Variants in CSPG4 observed in about 807,000 individuals in gnomAD.
CSPG4 encodes chondroitin sulfate proteoglycan 4.
In CSPG4, 74 loss-of-function variants were observed where a neutral mutation model predicts 139.3. The ratio of observed to expected loss-of-function variants is 0.53; its 90% CI spans 0.44 to 0.64. CSPG4 has a LOEUF of 0.64. Ranked by LOEUF, CSPG4 falls within the 30% of genes least tolerant of loss-of-function variation. CSPG4 has a pLI of 0.00. For synonymous variants in CSPG4, 1,234 were observed against 1,394.2 expected (o/e 0.89, Z 2.56); for missense variants, 2,565 against 3,148.3 (o/e 0.81, Z 4.43).
chr15:75,676,093 G>A lies in CSPG4; in HGVS notation c.6426C>T (p.Leu2142=), dbSNP rs931055250. The A allele has an allele frequency of 1.3e-6, 2 of 1,535,526 alleles. No individual in the cohort carries two copies. The highest frequency in any genetic ancestry group is 1.7e-6 in the Non-Finnish European group (2 of 1,144,930). Reference sequence around the variant, plus strand: ...CGCCCTGTGCCCACAGCTCCAGAGTGAGACTGTCACCTGCGGGGCCGGGGG... The same window carrying A: ...CGCCCTGTGCCCACAGCTCCAGAGTAAGACTGTCACCTGCGGGGCCGGGGG... ...GRAPGPAGDS[L]TLELWAQGVP... The change falls in exon 10 of 10, where the codon CTC becomes CTT. Residue 2142 remains leucine (L), a synonymous_variant. Coordinates refer to ENST00000308508, the MANE Select transcript of CSPG4 (RefSeq NM_001897.5).
rs930465943 is a variant in CSPG4, at chr15:75,696,043, T to A, written c.89-2810A>T. 2.0e-5 allele frequency among the ~76,000 whole-genome samples: 3 copies of A among 152,166 alleles called. No individual in the cohort carries two copies. Among genetic ancestry groups the A allele is most frequent in the African/African-American group, 7.2e-5 (3 of 41,440 alleles). On this transcript the variant is annotated intron_variant, in intron 1 of 9. Transcript: ENST00000308508. This position sits in a 1 kb window ranked among gnomAD's most constrained non-coding sequence, Gnocchi z 4.2. ...GGATCAGACCTGCCGTTGATTCTCC[T>A]GGGTCAAGAGGACCCATGATTCATC...
rs566043888 is a variant in CSPG4, at chr15:75,705,143, C to T, written c.88+7525G>A. Among the ~76,000 whole-genome samples the T allele has an allele frequency of 5.9e-5, 9 of 152,276 alleles. No homozygotes were observed. In the East Asian group the frequency reaches 1.5e-3, roughly 26 times the overall value. ...GAAACAGGCCCTGGGGAGGGCCAGG[C>T]AGGGGCTGTCCCCACTTCTTCTAGC... On this transcript the variant is annotated intron_variant, in intron 1 of 9. Transcript: ENST00000308508.
chr15:75,709,650 A>G (rs1218818753), intron 1 of CSPG4, among the ~76,000 whole-genome samples: 1 of 152,048 alleles, frequency 6.6e-6, no homozygotes, highest in East Asian at 1.9e-4. Context: ...CGTCAAGGCT[A>G]TTTCCAACTC....
chr15:75,699,156 C>T (rs1181171909), intron 1 of CSPG4, among the ~76,000 whole-genome samples: 1 of 152,228 alleles, frequency 6.6e-6, no homozygotes, highest in African/African-American at 2.4e-5. Flanking sequence ...ATGGAGCTTA[C>T]AACAGCAGCC....
chr15:75,686,474 G>A (rs1014428959), intron 3 of CSPG4, among the ~76,000 whole-genome samples: 2 of 148,058 alleles, frequency 1.4e-5, no homozygotes, highest in African/African-American at 2.5e-5. Context: ...TCCCTCACCT[G>A]ATGGGCCAGC....
chr15:75,711,866 A>G (rs1894450954), intron 1 of CSPG4, among the ~76,000 whole-genome samples: 1 of 152,222 alleles, frequency 6.6e-6, no homozygotes, highest in South Asian at 2.1e-4. Context: ...CGGGACAGAG[A>G]GGGGATATAT....
rs528299663 is a variant in CSPG4 at position 75,705,915 on chromosome 15, G to T, written c.88+6753C>A. Among the ~76,000 whole-genome samples the T allele has an allele frequency of 3.3e-3, 498 of 152,280 alleles. 2 individuals are homozygous for T. The highest frequency in any genetic ancestry group is 0.012 in the African/African-American group (486 of 41,554). On this transcript the variant is annotated intron_variant, in intron 1 of 9. Coordinates refer to ENST00000308508, the MANE Select transcript of CSPG4 (RefSeq NM_001897.5). ...TGTGTATATGTCTGTGTGCGTGTGT[G>T]TGTGCGTATGTGTGTCTGTGTGCAT...
At position 75,685,261 on chromosome 15, in the gene CSPG4, G is replaced by A. The variant is rs1234836995; in HGVS notation, c.4230C>T (p.Asp1410=). 1.4e-5 allele frequency: 21 copies of A among 1,546,138 alleles called. No homozygotes were observed. The highest frequency in any genetic ancestry group is 2.5e-5 in the South Asian group (2 of 81,204). Reference sequence around the variant, plus strand: ...CGCTGAGGGTCCTGGCTTGAGGTCCGTCCTCCTTCTGCAGGGCTCCATGCT... The same window carrying A: ...CGCTGAGGGTCCTGGCTTGAGGTCCATCCTCCTTCTGCAGGGCTCCATGCT... The part of the protein sequence containing the change: ...PPQHGALQKE[D]GPQARTLSAF... The change falls in exon 4 of 10, where the codon GAC becomes GAT. Residue 1410 remains aspartate, a synonymous_variant. Coordinates refer to ENST00000308508, the MANE Select transcript of CSPG4 (RefSeq NM_001897.5).
At position 75,682,400 on chromosome 15, in the gene CSPG4, G is replaced by T; in HGVS notation, c.4843C>A (p.Pro1615Thr). Residue 1615 changes from proline (P) to threonine (T), a missense_variant, in exon 8 of 10, where the codon CCC becomes ACC. Pro to Thr is a conservative substitution (Grantham distance 38). Coordinates refer to ENST00000308508, the MANE Select transcript of CSPG4 (RefSeq NM_001897.5). ...ACCACACGGTAGAGCAGGAGCTGGG[G>T]GTCAGTGCCTGCGCTGGAGCTGGCC... ...LRASSSAGTD[P>T]QLLLYRVVRG... The T allele has an allele frequency of 6.3e-7, 1 of 1,596,174 alleles. No individual in the cohort carries two copies. The highest frequency in any genetic ancestry group is 8.5e-7 in the Non-Finnish European group (1 of 1,179,336).
Position 75,688,293 on chromosome 15 carries a change from G to A in CSPG4, c.2772C>T (p.Val924=). Residue 924 remains valine, a synonymous_variant, in exon 3 of 10, where the codon GTC becomes GTT. Coordinates refer to ENST00000308508, the MANE Select transcript of CSPG4 (RefSeq NM_001897.5). ...GGTAGCTGGCACTGTTGAGACTCTT[G>A]ACAAAGAGGTGGTCAGCAGAGAGGA... ...EGVLSADHLF[V]KSLNSASYLY... 1 of 1,613,130 alleles carries A rather than the reference G, an allele frequency of 6.2e-7. No homozygotes were observed. The highest frequency in any genetic ancestry group is 8.5e-7 in the Non-Finnish European group (1 of 1,180,024).
Position 75,689,694 on chromosome 15 carries a change from G to A in CSPG4, c.1371C>T (p.Asp457=). Residue 457 remains aspartate (D), a synonymous_variant, in exon 3 of 10, where the codon GAC becomes GAT. Transcript: ENST00000308508. ...ATTTGCGCAGCTCAGCCTCCATCAG[G>A]TCCAGCGTGGGCTGCACATGCCTCC... ...LEWRHVQPTL[D]LMEAELRKSQ... 6.2e-7 allele frequency: 1 copy of A among 1,612,910 alleles called. No homozygotes were observed.
chr15:75,684,929 G>A lies in CSPG4; in HGVS notation c.4273-17C>T, dbSNP rs1429055949. The stretch of plus-strand genomic sequence containing the variant: ...CTCTTCCACCTAGGGGCAGGCCCAG[G>A]GCTGGCAGTCAGGCCCCAGCAGCAC... On this transcript the variant is annotated splice_polypyrimidine_tract_variant and intron_variant, in intron 4 of 9. Transcript: ENST00000308508. The A allele has an allele frequency of 3.7e-6, 6 of 1,600,542 alleles. No homozygotes were observed. The highest frequency in any genetic ancestry group is 1.3e-5 in the African/African-American group (1 of 74,854).
rs750550303 is a variant in CSPG4 at position 75,677,261 on chromosome 15, T to C, written c.5258A>G (p.Gln1753Arg). 2.7e-6 allele frequency: 4 copies of C among 1,496,136 alleles called. No homozygotes were observed. Among genetic ancestry groups the C allele is most frequent in the South Asian group, 1.4e-5 (1 of 73,138 alleles). The allele number at this position is 1,496,136 out of a possible 1,614,324, so 92.7% of individuals were successfully genotyped here. A position where few individuals can be genotyped will look rare whatever the true frequency, so the allele number is the denominator to read the frequency against. Residue 1753 changes from glutamine to arginine, a missense_variant, in exon 10 of 10, where the codon CAG (glutamine) becomes CGG (arginine). By Grantham distance (43) the Gln-to-Arg change is conservative. Coordinates refer to ENST00000308508, the MANE Select transcript of CSPG4 (RefSeq NM_001897.5). ...SEHDVLFQVTQFPSRGQLLVS... is the reference protein window; with the variant it reads ...SEHDVLFQVTRFPSRGQLLVS... ...CAACAGCTGGCCCCGGCTGGGGAACTGTGTGACCTGGAAGAGCACATCATG... is the reference window on the plus strand; with the variant it reads ...CAACAGCTGGCCCCGGCTGGGGAACCGTGTGACCTGGAAGAGCACATCATG...
intron 1 of CSPG4, 119 bp downstream of exon 1, chr15:75,712,549 C>T: frequency 5.1e-6 from 5 of 970,882 alleles, no homozygotes; most frequent in Non-Finnish European, 6.3e-6. Context: ...GTGGGAGAAG[C>T]GCAGCCTGCT....
chr15:75,692,652 G>A (rs1207593473), intron 2 of CSPG4, among the ~76,000 whole-genome samples: 3 of 152,236 alleles, frequency 2.0e-5, no homozygotes, highest in African/African-American at 7.2e-5. Flanking sequence ...GGGGGCTCAG[G>A]AGGGGGCCTA....
chr15:75,685,343 G>A lies in CSPG4; in HGVS notation c.4148C>T (p.Ser1383Phe). Residue 1383 changes from serine to phenylalanine, a missense_variant, in exon 4 of 10, where the codon TCC becomes TTC. Transcript: ENST00000308508. ...LTLAPPLLRV[S>F]GPYFPTLLGL... ...CAGGAGAGTGGGGAAGTAGGGCCCG[G>A]AGACACGGAGCAGTGGAGGGGCCAG... 3 of 1,608,796 alleles carry A rather than the reference G, an allele frequency of 1.9e-6. No individual in the cohort carries two copies. Among genetic ancestry groups the A allele is most frequent in the Non-Finnish European group, 2.5e-6 (3 of 1,177,698 alleles).
At position 75,690,648 on chromosome 15, in the gene CSPG4, G is replaced by T; in HGVS notation, c.417C>A (p.Pro139=). Residue 139 remains proline, a synonymous_variant, in exon 3 of 10, where the codon CCC becomes CCA. Transcript: ENST00000308508. ...CAAAGAGCCCATAGGGGACCTCTAGGGGGGCTCCTGGGACTGCTGAGGAGG... is the reference window on the plus strand; with the variant it reads ...CAAAGAGCCCATAGGGGACCTCTAGTGGGGCTCCTGGGACTGCTGAGGAGG... ...LNASSAVPGA[P]LEVPYGLFVG... The T allele has an allele frequency of 6.2e-7, 1 of 1,612,022 alleles. No homozygotes were observed. The highest frequency in any genetic ancestry group is 1.1e-5 in the South Asian group (1 of 91,044).
In CSPG4 at chr15:75,677,342, G is replaced by T; in HGVS notation, c.5177C>A (p.Ala1726Asp). 1 of 1,412,158 alleles carries T rather than the reference G, an allele frequency of 7.1e-7. No individual in the cohort carries two copies. The highest frequency in any genetic ancestry group is 9.3e-7 in the Non-Finnish European group (1 of 1,079,800). 87.5% of individuals were successfully genotyped at this position (1,412,158 alleles called of 1,614,324 possible). ...CAAGAGATTGGAGGCATCCAGAGCAGCCACGGTGATCCTGGCCCGCTGGCC... is the reference window on the plus strand; with the variant it reads ...CAAGAGATTGGAGGCATCCAGAGCATCCACGGTGATCCTGGCCCGCTGGCC... ...PEGQRARITVAALDASNLLAS... is the reference protein window; with the variant it reads ...PEGQRARITVDALDASNLLAS... The change falls in exon 10 of 10, where the codon GCT (alanine) becomes GAT (aspartate). Residue 1726 changes from alanine to aspartate, a missense_variant. Around this residue, in one of 5 missense-constraint regions of CSPG4, gnomAD observed 2,316 missense variants for 2,818.2 expected, o/e 0.82. Coordinates refer to ENST00000308508, the MANE Select transcript of CSPG4 (RefSeq NM_001897.5).
chr15:75,695,366 C>A (rs1437101914), intron 1 of CSPG4, among the ~76,000 whole-genome samples: 1 of 152,182 alleles, frequency 6.6e-6, no homozygotes, highest in Admixed American at 6.5e-5. Flanking sequence ...GGGAGGGTGG[C>A]AGGAAGTAGA....
Sources: allele counts gnomAD v4.1 joint callset (sites outside exome capture counted in the v4.1 genomes callset), GRCh38; gene constraint gnomAD v4.1.1; regional missense constraint gnomAD v4.1.1; non-coding constraint Gnocchi (gnomAD v3.1); transcripts MANE v1.5; gene names NCBI Gene and HGNC (gene_info 2026-07-23, HGNC 2026-07-21).